Variants in CADM2 observed in about 807,000 individuals in gnomAD.
CADM2 encodes the protein cell adhesion molecule 2.
A neutral mutation model predicts 49.8 loss-of-function variants in CADM2; 12 were observed. The observed-to-expected ratio is 0.24, with a 90% CI of 0.15 to 0.39. The LOEUF (loss-of-function observed/expected upper bound fraction) is 0.39. CADM2 is among the 10% of genes least tolerant of loss of function. The pLI is 1.00. For missense variants in CADM2, 378 were observed against 492.3 expected (o/e 0.77, Z 2.20); for synonymous variants, 214 against 175.4 (o/e 1.22, Z -1.74).
intron 1 of CADM2, among the ~76,000 whole-genome samples, chr3:85,532,841 A>G (rs113351222): frequency 6.6e-6 from 1 of 152,000 alleles, no homozygotes; most frequent in Non-Finnish European, 1.5e-5. Context: ...AAAATGAGAT[A>G]ATGTCCTTTG....
At chr3:84,993,735 C>T (rs903268783) in intron 1 of CADM2, among the ~76,000 whole-genome samples, 2 of 152,162 alleles carry the variant, frequency 1.3e-5, no homozygotes, top group Non-Finnish European at 2.9e-5. Flanking sequence ...CTTTGTTTCG[C>T]TCATTCCATG....
At chr3:85,690,603 A>T (rs2066351401) in intron 1 of CADM2, among the ~76,000 whole-genome samples, 1 of 152,144 alleles carries the variant, frequency 6.6e-6, no homozygotes, top group African/African-American at 2.4e-5. Flanking sequence ...GAGAATTTGG[A>T]GTATAACAGC....
At chr3:85,413,156 AAAAAAAATAAT>A (rs1466592644) in intron 1 of CADM2, among the ~76,000 whole-genome samples, 4 of 143,582 alleles carry the variant, frequency 2.8e-5, no homozygotes, top group Non-Finnish European at 4.6e-5. Flanking sequence ...AAAAAAAAAA[AAAAAAAATAAT>A]AATAATAATA....
intron 2 of CADM2, among the ~76,000 whole-genome samples, chr3:85,756,313 C>T (rs1325542726): frequency 6.6e-6 from 1 of 152,160 alleles, no homozygotes; most frequent in Non-Finnish European, 1.5e-5. Context: ...TCTCCACTTT[C>T]TTCTAACTCA....
chr3:85,033,053 CA>C (rs2035055628), intron 1 of CADM2, among the ~76,000 whole-genome samples: 1 of 151,958 alleles, frequency 6.6e-6, no homozygotes, highest in Non-Finnish European at 1.5e-5. Flanking sequence ...AAAAAAATTA[CA>C]GATAAAAAAA....
chr3:84,960,017 C>G (rs1222258150), intron 1 of CADM2: 1 of 392,252 alleles, frequency 2.5e-6, no homozygotes, highest in Non-Finnish European at 4.6e-6. Context: ...TCCCGACAAC[C>G]CCCACCAGCC....
chr3:85,492,711 C>T (rs1390042257), intron 1 of CADM2, among the ~76,000 whole-genome samples: 1 of 152,112 alleles, frequency 6.6e-6, no homozygotes, highest in Non-Finnish European at 1.5e-5. Context: ...TAATATTTAT[C>T]ATTGAAAATC....
intron 1 of CADM2, among the ~76,000 whole-genome samples, chr3:85,442,044 A>G (rs1240953977): frequency 1.3e-5 from 2 of 152,096 alleles, no homozygotes; most frequent in African/African-American, 4.8e-5. Context: ...GCTTATGTAT[A>G]CAAAACCAGA....
intron 2 of CADM2, among the ~76,000 whole-genome samples, chr3:85,764,898 G>A (rs554381442): frequency 2.9e-4 from 44 of 152,176 alleles, no homozygotes; most frequent in African/African-American, 9.4e-4. Context: ...GGGAAGTTAA[G>A]TGATTTACTG....
chr3:85,295,203 C>A, intron 1 of CADM2, among the ~76,000 whole-genome samples: 1 of 152,182 alleles, frequency 6.6e-6, no homozygotes. Flanking sequence ...CTCATCATCA[C>A]TGGCCATCAG....
intron 8 of CADM2, among the ~76,000 whole-genome samples, chr3:86,009,661 C>A (rs1326485231): frequency 1.3e-5 from 2 of 151,824 alleles, no homozygotes; most frequent in Non-Finnish European, 3.0e-5. Flanking sequence ...ATAAAAGCTT[C>A]TTTCTCCCCC....
At chr3:85,831,169 T>C (rs1242311407) in intron 3 of CADM2, among the ~76,000 whole-genome samples, 1 of 151,944 alleles carries the variant, frequency 6.6e-6, no homozygotes, top group Admixed American at 6.6e-5. Context: ...AGGACACAGG[T>C]TGATTCTCTT....
rs1374412479 is a variant in CADM2 at position 85,568,535 on chromosome 3, T to TTTTC, written c.62-157973_62-157970dup. ...TCTTTCCTCCCTCCCTCCCTCTCTC[T>TTTTC]TTTCTTTCTTTCTTTCTCTTTCTTT... is the stretch of plus-strand genomic sequence containing the variant. On this transcript the variant is annotated intron_variant, in intron 1 of 9. Transcript: ENST00000383699. Among the ~76,000 whole-genome samples, 4 of 51,170 alleles carry TTTTC rather than the reference T, an allele frequency of 7.8e-5. 1 individual carries two copies. Among genetic ancestry groups the TTTTC allele is most frequent in the Non-Finnish European group, 1.2e-4 (2 of 17,354 alleles). The allele number at this position is 51,170 out of a possible 152,430, so 33.6% of individuals were successfully genotyped here.
intron 1 of CADM2, among the ~76,000 whole-genome samples, chr3:85,202,659 T>A (rs1274498018): frequency 6.6e-6 from 1 of 152,286 alleles, no homozygotes; most frequent in South Asian, 2.1e-4. Context: ...AGTATTGACT[T>A]CCACTTAAAG....
At chr3:85,489,729 T>C (rs2039585043) in intron 1 of CADM2, among the ~76,000 whole-genome samples, 2 of 147,908 alleles carry the variant, frequency 1.4e-5, no homozygotes, top group South Asian at 2.1e-4. Context: ...AGTGTCCTTC[T>C]AAAAATTATT....
At chr3:85,808,242 T>C in intron 3 of CADM2, among the ~76,000 whole-genome samples, 1 of 152,208 alleles carries the variant, frequency 6.6e-6, no homozygotes, top group East Asian at 1.9e-4. Context: ...TAGATCCTTA[T>C]GGGTCAGAGA....
intron 1 of CADM2, among the ~76,000 whole-genome samples, chr3:85,595,121 A>T (rs2063206090): frequency 6.6e-6 from 1 of 152,050 alleles, no homozygotes; most frequent in Admixed American, 6.6e-5. Context: ...TTGATAATAC[A>T]AATTGAAGTA....
chr3:85,678,644 C>T (rs1227679410), intron 1 of CADM2, among the ~76,000 whole-genome samples: 3 of 152,166 alleles, frequency 2.0e-5, no homozygotes, highest in Non-Finnish European at 4.4e-5. Context: ...CTGACCTAAA[C>T]ATTTTCCGTT....
intron 1 of CADM2, among the ~76,000 whole-genome samples, chr3:85,640,727 A>T (rs1441053018): frequency 1.3e-5 from 2 of 152,228 alleles, no homozygotes; most frequent in Non-Finnish European, 2.9e-5. Context: ...AGTCAGGTTA[A>T]ACGTCATTCT....
Sources: allele counts gnomAD v4.1 joint callset (sites outside exome capture counted in the v4.1 genomes callset), GRCh38; gene constraint gnomAD v4.1.1; transcripts MANE v1.5; gene names NCBI Gene and HGNC (gene_info 2026-07-23, HGNC 2026-07-21).